Variants in GALNT1 observed in about 807,000 individuals in gnomAD.
GALNT1 encodes the protein GalNAc transferase 1.
A neutral mutation model predicts 65.7 loss-of-function variants in GALNT1; 17 were observed. The ratio of observed to expected loss-of-function variants is 0.26; its 90% confidence interval spans 0.18 to 0.39. The LOEUF is 0.39. Ranked by LOEUF, GALNT1 falls within the 10% of genes least tolerant of loss-of-function variation. The pLI, the probability that GALNT1 is intolerant of heterozygous loss-of-function variation, is 1.00. For synonymous variants in GALNT1, 210 were observed against 219.7 expected (o/e 0.96, Z 0.39); for missense variants, 460 against 672.8 (o/e 0.68, Z 3.50).
intron 1 of GALNT1, among the ~76,000 whole-genome samples, chr18:35,627,783 G>A (rs909533640): frequency 7.2e-5 from 11 of 152,098 alleles, no homozygotes; most frequent in Admixed American, 2.0e-4. Flanking sequence ...CACCTCACTC[G>A]GGAAGCACAA....
intron 2 of GALNT1, among the ~76,000 whole-genome samples, chr18:35,657,618 A>G (rs1273124152): frequency 6.6e-6 from 1 of 152,172 alleles, no homozygotes; most frequent in East Asian, 1.9e-4. Flanking sequence ...GAAAAGCCCC[A>G]AGGAGTAGGT....
chr18:35,613,903 T>C (rs1039399183), intron 1 of GALNT1, among the ~76,000 whole-genome samples: 1 of 152,042 alleles, frequency 6.6e-6, no homozygotes, highest in African/African-American at 2.4e-5. Flanking sequence ...GCCAAGAATT[T>C]AGTGAAAAGT....
intron 1 of GALNT1, among the ~76,000 whole-genome samples, chr18:35,588,668 G>T (rs2046406718): frequency 6.6e-6 from 1 of 151,956 alleles, no homozygotes; most frequent in Non-Finnish European, 1.5e-5. Context: ...TTGTCTTCCA[G>T]TTCCTTTCCT....
At chr18:35,682,971 G>C (rs749955048) in intron 4 of GALNT1, among the ~76,000 whole-genome samples, 1 of 141,274 alleles carries the variant, frequency 7.1e-6, no homozygotes, top group Non-Finnish European at 1.5e-5. Flanking sequence ...CAATTTGTTT[G>C]TGCTTCTGAG....
chr18:35,607,711 G>C (rs522926), intron 1 of GALNT1, among the ~76,000 whole-genome samples: 70,138 of 151,636 alleles, frequency 0.46, 16,446 homozygotes, highest in Middle Eastern at 0.6. Context: ...CTATCATATT[G>C]TCATTCCACG....
intron 4 of GALNT1, among the ~76,000 whole-genome samples, chr18:35,682,507 G>T (rs1479831124): frequency 6.6e-6 from 1 of 152,020 alleles, no homozygotes; most frequent in East Asian, 1.9e-4. Flanking sequence ...AAGGCATTTG[G>T]CCATATTACC....
At chr18:35,693,994 G>A (rs528672641) in intron 9 of GALNT1, among the ~76,000 whole-genome samples, 4 of 152,124 alleles carry the variant, frequency 2.6e-5, no homozygotes, top group African/African-American at 4.8e-5. Flanking sequence ...GAGTGGTGTC[G>A]CCAAGACTAA....
At chr18:35,665,402 A>G (rs2047535526) in intron 3 of GALNT1, among the ~76,000 whole-genome samples, 1 of 152,194 alleles carries the variant, frequency 6.6e-6, no homozygotes. Context: ...CCAATATTTT[A>G]ATAATAGGAG....
chr18:35,584,526 G>A (rs1447787238), intron 1 of GALNT1, among the ~76,000 whole-genome samples: 4 of 152,166 alleles, frequency 2.6e-5, no homozygotes, highest in South Asian at 2.1e-4. Flanking sequence ...CGGCAACTTC[G>A]TAGAAGAGAG....
At chr18:35,671,504 T>C (rs1187855915) in intron 3 of GALNT1, among the ~76,000 whole-genome samples, 1 of 152,230 alleles carries the variant, frequency 6.6e-6, no homozygotes, top group Non-Finnish European at 1.5e-5. Flanking sequence ...TGACTTGATC[T>C]ACATGTATTA....
At chr18:35,703,872 C>T (rs1236041544) in intron 11 of GALNT1, among the ~76,000 whole-genome samples, 1 of 152,144 alleles carries the variant, frequency 6.6e-6, no homozygotes, top group Admixed American at 6.6e-5. Flanking sequence ...TCCCTGGGTC[C>T]TTGTTTACTG....
At chr18:35,669,232 C>CTT (rs34862341) in intron 3 of GALNT1, among the ~76,000 whole-genome samples, 6 of 238 alleles carry the variant, frequency 0.025, no homozygotes, top group Non-Finnish European at 0.071. Flanking sequence ...CAGAGAGAGA[C>CTT]CATCTCGAAG....
rs533567931 is a variant in GALNT1, at chr18:35,616,289, C to T, written c.-104+34427C>T. On this transcript the variant is annotated intron_variant, in intron 1 of 11. Transcript: ENST00000269195. The stretch of plus-strand genomic sequence containing the variant: ...GCCTTGACATGTATAGTCTATGTGA[C>T]GCTGGCCAAATTACCTAACTTTTTA... Among the ~76,000 whole-genome samples the T allele has an allele frequency of 9.2e-5, 14 of 152,210 alleles. No individual in the cohort carries two copies. The South Asian group carries it at 2.5e-3, about 27-fold the overall frequency.
intron 1 of GALNT1, among the ~76,000 whole-genome samples, chr18:35,586,725 G>A (rs923551711): frequency 9.9e-5 from 15 of 152,276 alleles, no homozygotes; most frequent in African/African-American, 3.1e-4. Flanking sequence ...TTGTAAAAAA[G>A]CATTTGGAGC....
At chr18:35,639,883 A>G (rs879501239) in intron 1 of GALNT1, among the ~76,000 whole-genome samples, 2 of 151,688 alleles carry the variant, frequency 1.3e-5, no homozygotes, top group East Asian at 3.9e-4. Context: ...TGCAACCTCC[A>G]CCTCCCGGGT....
chr18:35,644,496 G>T (rs1568022623), intron 1 of GALNT1, among the ~76,000 whole-genome samples: 2 of 152,082 alleles, frequency 1.3e-5, no homozygotes, highest in Admixed American at 6.5e-5. Flanking sequence ...CTGCTACTTG[G>T]TTTTGACAAT....
chr18:35,586,055 A>G (rs1285818554), intron 1 of GALNT1, among the ~76,000 whole-genome samples: 2 of 152,184 alleles, frequency 1.3e-5, no homozygotes, highest in Non-Finnish European at 2.9e-5. Flanking sequence ...GCTGTTTTGT[A>G]AAATGTTCTA....
chr18:35,692,652 A>G (rs1441844690), intron 9 of GALNT1, among the ~76,000 whole-genome samples: 14 of 151,918 alleles, frequency 9.2e-5, no homozygotes, highest in Non-Finnish European at 2.9e-5. Context: ...ATCTGTATAT[A>G]TATTAAAAAA....
chr18:35,663,508 G>A (rs1197312242), intron 2 of GALNT1, 120 bp from the exon 3 acceptor site: 1 of 956,212 alleles, frequency 1.0e-6, no homozygotes, highest in African/African-American at 1.7e-5. Flanking sequence ...AGGAGAGGGT[G>A]GGCTCAGAAA....
Sources: allele counts gnomAD v4.1 joint callset (sites outside exome capture counted in the v4.1 genomes callset), GRCh38; gene constraint gnomAD v4.1.1; transcripts MANE v1.5; gene names NCBI Gene and HGNC (gene_info 2026-07-23, HGNC 2026-07-21).